DOCK3: variants seen among roughly 807,000 people sequenced by gnomAD.
DOCK3 encodes dedicator of cytokinesis protein 3.
DOCK3 carries 60 observed loss-of-function variants against 265.6 expected under a neutral mutation model. The ratio of observed to expected loss-of-function variants is 0.23; its 90% confidence interval spans 0.18 to 0.28. DOCK3 has a LOEUF of 0.28. Among genes scored for constraint, DOCK3 ranks in the 10% least tolerant of loss-of-function variants. DOCK3 has a pLI of 1.00. For missense variants in DOCK3, 1,981 were observed against 2,594.3 expected (o/e 0.76, Z 5.14); for synonymous variants, 881 against 938.0 (o/e 0.94, Z 1.11).
intron 1 of DOCK3, among the ~76,000 whole-genome samples, chr3:50,710,872 G>T (rs2036718566): frequency 6.6e-6 from 1 of 152,214 alleles, no homozygotes; most frequent in African/African-American, 2.4e-5. Context: ...GATGGAGTTG[G>T]AGACTATTAT....
At chr3:50,788,141 T>C in intron 2 of DOCK3, 1 of 769,598 alleles carries the variant, frequency 1.3e-6, no homozygotes, top group Admixed American at 2.5e-5. Context: ...TTGTTACACT[T>C]TGGTGGACAG....
At chr3:51,085,477 G>T (rs2082386397) in intron 7 of DOCK3, among the ~76,000 whole-genome samples, 1 of 152,126 alleles carries the variant, frequency 6.6e-6, no homozygotes, top group Non-Finnish European at 1.5e-5. Context: ...TATCTTCTCA[G>T]ACCACAGGGA....
intron 1 of DOCK3, among the ~76,000 whole-genome samples, chr3:50,757,160 C>T (rs1044597978): frequency 5.7e-5 from 6 of 104,786 alleles, no homozygotes; most frequent in Non-Finnish European, 7.3e-5. Context: ...GTCAGATTGT[C>T]GTCTTTTTTT....
At chr3:51,047,179 A>G (rs986881332) in intron 5 of DOCK3, among the ~76,000 whole-genome samples, 4 of 146,790 alleles carry the variant, frequency 2.7e-5, no homozygotes, top group African/African-American at 1.0e-4. Flanking sequence ...AATAAAAATG[A>G]GAGCAGAGAC....
chr3:50,846,453 G>A (rs190966975), intron 3 of DOCK3, among the ~76,000 whole-genome samples: 114 of 152,148 alleles, frequency 7.5e-4, no homozygotes, highest in African/African-American at 2.4e-3. Flanking sequence ...CAGGGATATC[G>A]GCCTATAGTT....
intron 10 of DOCK3, among the ~76,000 whole-genome samples, chr3:51,152,180 G>T (rs185750205): frequency 3.1e-4 from 47 of 152,192 alleles, no homozygotes; most frequent in Admixed American, 2.5e-3. Context: ...ATTTCTTGGA[G>T]GCTTTGTTTA....
At chr3:51,161,897 G>A (rs1416402628) in intron 12 of DOCK3, among the ~76,000 whole-genome samples, 1 of 152,084 alleles carries the variant, frequency 6.6e-6, no homozygotes, top group Non-Finnish European at 1.5e-5. Context: ...TATTTTTAGT[G>A]TTCTTCAACC....
intron 2 of DOCK3, among the ~76,000 whole-genome samples, chr3:50,817,887 T>C (rs1173963072): frequency 2.0e-5 from 3 of 152,234 alleles, no homozygotes; most frequent in African/African-American, 7.2e-5. Flanking sequence ...GACATTTTCA[T>C]TTCATTTGAA....
chr3:51,342,118 C>T (rs1348408828), intron 38 of DOCK3, among the ~76,000 whole-genome samples: 1 of 152,236 alleles, frequency 6.6e-6, no homozygotes, highest in Non-Finnish European at 1.5e-5. Context: ...ACTGTAGTAG[C>T]TGAGCCCCCA....
In DOCK3 at chr3:50,933,934, AT is replaced by A; in HGVS notation, c.219-40del. 5.1e-6 allele frequency: 7 copies of A among 1,364,376 alleles called. No individual in the cohort carries two copies. In the South Asian group the frequency reaches 5.9e-5, roughly 12 times the overall value. The allele number at this position is 1,364,376 out of a possible 1,614,324, so 84.5% of individuals were successfully genotyped here. A position where few individuals can be genotyped will look rare whatever the true frequency, so the allele number is the denominator to read the frequency against. On this transcript the variant is annotated intron_variant, in intron 4 of 52. Coordinates refer to ENST00000266037, the MANE Select transcript of DOCK3 (RefSeq NM_004947.5). ...AAAAGACAGGAGACAGTTTGCCGAG[AT>A]TTTTTTCAGAGATAATGTGGCTGTC... is the stretch of plus-strand genomic sequence containing the variant.
chr3:51,087,754 T>G (rs986505857), intron 7 of DOCK3, among the ~76,000 whole-genome samples: 4 of 152,070 alleles, frequency 2.6e-5, no homozygotes, highest in Non-Finnish European at 4.4e-5. Flanking sequence ...TAAAAATCTC[T>G]TAGAACTGAT....
At chr3:51,052,591 A>G (rs1356884068) in intron 5 of DOCK3, among the ~76,000 whole-genome samples, 1 of 152,198 alleles carries the variant, frequency 6.6e-6, no homozygotes, top group Non-Finnish European at 1.5e-5. Context: ...ATGCCCTTGG[A>G]ATTTCAGCTC....
At chr3:50,774,879 A>C (rs535261088) in intron 1 of DOCK3, among the ~76,000 whole-genome samples, 1 of 152,062 alleles carries the variant, frequency 6.6e-6, no homozygotes, top group East Asian at 1.9e-4. Context: ...TTTTCTTAAG[A>C]ATTTTTGTCA....
At chr3:51,091,423 A>T (rs4927978) in intron 9 of DOCK3, among the ~76,000 whole-genome samples, 136,838 of 151,878 alleles carry the variant, frequency 0.9, 61,834 homozygotes, top group African/African-American at 0.95. Context: ...ATGGCTCACG[A>T]CTGTAATGCC....
At chr3:50,862,355 G>C (rs1402476958) in intron 3 of DOCK3, among the ~76,000 whole-genome samples, 1 of 152,188 alleles carries the variant, frequency 6.6e-6, no homozygotes, top group Non-Finnish European at 1.5e-5. Flanking sequence ...CAAGCCCTTC[G>C]GGCAGCATAT....
intron 27 of DOCK3, 115 bp from the exon 28 acceptor site, chr3:51,310,117 G>T (rs2082977499): frequency 1.3e-6 from 1 of 780,016 alleles, no homozygotes; most frequent in African/African-American, 1.7e-5. Context: ...GAGAGAACCA[G>T]ATCTAACTCA....
intron 7 of DOCK3, among the ~76,000 whole-genome samples, chr3:51,086,725 G>C (rs897189128): frequency 6.6e-6 from 1 of 152,204 alleles, no homozygotes; most frequent in Non-Finnish European, 1.5e-5. Context: ...CTGAACCCAG[G>C]AGGTGGAGGT....
chr3:51,041,360 G>A (rs1363049641), intron 5 of DOCK3, among the ~76,000 whole-genome samples: 2 of 150,414 alleles, frequency 1.3e-5, no homozygotes, highest in Admixed American at 6.6e-5. Context: ...TGGGACTACA[G>A]GTGCCCACCA....
At chr3:51,081,791 G>T (rs1289266191) in intron 7 of DOCK3, among the ~76,000 whole-genome samples, 2 of 151,658 alleles carry the variant, frequency 1.3e-5, no homozygotes, top group African/African-American at 4.8e-5. Context: ...AGCTACTCGG[G>T]AGGCTGAGGC....
Sources: gnomAD v4.1 joint callset for allele counts (sites outside exome capture counted in the v4.1 genomes callset) on GRCh38, gnomAD v4.1.1 for gene constraint, MANE v1.5 for transcripts, NCBI Gene and HGNC (gene_info 2026-07-23, HGNC 2026-07-21) for gene names.